The following TRDN variants were observed in gnomAD, a reference collection of about 807,000 sequenced individuals.
TRDN encodes triadin in skeletal muscle.
Under a neutral mutation model 149.7 loss-of-function variants are expected in TRDN, and 161 were observed. The observed-to-expected ratio is 1.08, with a 90% CI of 0.95 to 1.23. TRDN has a LOEUF of 1.23. Ranked by LOEUF, TRDN falls within the 50% of genes most tolerant of loss-of-function variation. TRDN has a pLI of 0.00. For synonymous variants in TRDN, 294 were observed against 250.5 expected, an observed-to-expected ratio of 1.17 and a Z score of -1.64; for missense variants, 896 against 823.5, an observed-to-expected ratio of 1.09 and a Z score of -1.08.
chr6:123,316,432 T>A (rs1779024626), intron 24 of TRDN, 25 bp downstream of exon 24: 1 of 1,605,494 alleles, frequency 6.2e-7, no homozygotes, highest in Non-Finnish European at 8.5e-7. Flanking sequence ...TCTCCTTGTA[T>A]GTAAATCTTA....
At position 123,382,135 on chromosome 6, in the gene TRDN, GT is replaced by G; in HGVS notation, c.1147del (p.Thr383GlnfsTer7). 1 of 1,495,428 alleles carries G rather than the reference GT, an allele frequency of 6.7e-7. No individual in the cohort carries two copies. The highest frequency in any genetic ancestry group is 1.4e-5 in the African/African-American group (1 of 69,326). The allele number at this position is 1,495,428 out of a possible 1,614,324, so 92.6% of individuals were successfully genotyped here. On this transcript the variant is annotated frameshift_variant, in exon 15 of 41. Coordinates refer to ENST00000334268, the MANE Select transcript of TRDN (RefSeq NM_006073.4). LOFTEE classifies it high-confidence loss of function. ...KDEKKEDSKK[T>X]KKPAEVEQPK... ...TCCAGTACCTTCTGCAGGTTTTTTT[GT>G]TTTCTTGGAATCTGAAAACACAAAG...
At chr6:123,541,062 C>T (rs984621242) in intron 4 of TRDN, among the ~76,000 whole-genome samples, 1 of 152,202 alleles carries the variant, frequency 6.6e-6, no homozygotes, top group Non-Finnish European at 1.5e-5. Flanking sequence ...TACAGAACTG[C>T]AGAGAGAAGA....
At position 123,636,869 on chromosome 6, in the gene TRDN, T is replaced by C. The variant is rs991499588; in HGVS notation, c.-94A>G. The C allele has an allele frequency of 2.0e-6, 3 of 1,485,762 alleles. No individual in the cohort carries two copies. The highest frequency in any genetic ancestry group is 2.8e-6 in the Non-Finnish European group (3 of 1,066,966). 92.0% of individuals were successfully genotyped at this position (1,485,762 alleles called of 1,614,324 possible). ...ATTTGAGAACTCTGGTGGAGGGTTC[T>C]GTGTCAAAACCTGGGGGCTCTTCGT... On this transcript the variant is annotated 5_prime_UTR_variant, in exon 1 of 41. Transcript: ENST00000334268.
intron 9 of TRDN, among the ~76,000 whole-genome samples, chr6:123,473,468 T>C (rs1360564104): frequency 6.6e-6 from 1 of 151,868 alleles, no homozygotes; most frequent in Non-Finnish European, 1.5e-5. Context: ...CTACGTCTGA[T>C]TGGTGTACCT....
At chr6:123,585,331 C>T (rs1783407349) in intron 1 of TRDN, among the ~76,000 whole-genome samples, 1 of 151,848 alleles carries the variant, frequency 6.6e-6, no homozygotes, top group African/African-American at 2.4e-5. Flanking sequence ...TCTAATTTGG[C>T]ACCAGAGTTG....
intron 20 of TRDN, among the ~76,000 whole-genome samples, chr6:123,362,110 GA>G (rs902265972): frequency 6.6e-6 from 1 of 152,102 alleles, no homozygotes; most frequent in Non-Finnish European, 1.5e-5. Flanking sequence ...CCAGTCTGAA[GA>G]ACGCTATTGT....
At chr6:123,522,335 C>G (rs1779722048) in intron 5 of TRDN, among the ~76,000 whole-genome samples, 1 of 152,002 alleles carries the variant, frequency 6.6e-6, no homozygotes, top group Non-Finnish European at 1.5e-5. Context: ...AGTAAATTGA[C>G]ATGTCTATTA....
intron 38 of TRDN, among the ~76,000 whole-genome samples, chr6:123,247,908 C>T (rs974434159): frequency 2.6e-5 from 4 of 152,020 alleles, no homozygotes; most frequent in African/African-American, 4.8e-5. Flanking sequence ...GATATATAGA[C>T]CAATGGGACA....
intron 21 of TRDN, chr6:123,350,710 T>C (rs1780430825): frequency 1.2e-6 from 1 of 834,858 alleles, no homozygotes; most frequent in Non-Finnish European, 1.4e-6. Context: ...TTATTTCCTA[T>C]GATTGTTATG....
At chr6:123,425,102 A>G (rs1243054263) in intron 12 of TRDN, among the ~76,000 whole-genome samples, 3 of 152,050 alleles carry the variant, frequency 2.0e-5, no homozygotes, top group African/African-American at 7.2e-5. Flanking sequence ...GAGAGGATTT[A>G]ATAATGAATT....
chr6:123,553,011 A>G (rs1562383468), intron 2 of TRDN, among the ~76,000 whole-genome samples: 1 of 152,200 alleles, frequency 6.6e-6, no homozygotes, highest in Non-Finnish European at 1.5e-5. Context: ...ATAAAATGAC[A>G]ATAAGACTGC....
intron 1 of TRDN, among the ~76,000 whole-genome samples, chr6:123,576,469 T>C (rs1782865736): frequency 1.2e-5 from 1 of 80,662 alleles, no homozygotes; most frequent in Non-Finnish European, 3.0e-5. Flanking sequence ...CTTTTTTAAT[T>C]TATTTTTATT....
chr6:123,351,682 C>T (rs572113471), intron 21 of TRDN: 2 of 940,816 alleles, frequency 2.1e-6, no homozygotes, highest in African/African-American at 3.6e-5. Context: ...GTCAAAAGAT[C>T]TTAACTTCTG....
At chr6:123,408,958 T>A (rs1039207110) in intron 12 of TRDN, among the ~76,000 whole-genome samples, 8 of 152,264 alleles carry the variant, frequency 5.3e-5, no homozygotes, top group African/African-American at 1.9e-4. Flanking sequence ...GTTACCCTCC[T>A]AAGACTTTAC....
chr6:123,497,829 T>G (rs780554438), intron 8 of TRDN, among the ~76,000 whole-genome samples: 3 of 152,188 alleles, frequency 2.0e-5, no homozygotes, highest in Admixed American at 1.3e-4. Context: ...CAGAACCAAA[T>G]GATATTGTTG....
intron 30 of TRDN, among the ~76,000 whole-genome samples, 197 bp downstream of exon 30, chr6:123,270,935 ATTATTTT>A (rs1777185799): frequency 6.6e-6 from 1 of 151,970 alleles, no homozygotes; most frequent in Non-Finnish European, 1.5e-5. Context: ...TACTCTAGCT[ATTATTTT>A]TTAACAAAAA....
chr6:123,353,065 G>A (rs994276344), intron 20 of TRDN, among the ~76,000 whole-genome samples: 13 of 151,814 alleles, frequency 8.6e-5, no homozygotes, highest in African/African-American at 2.7e-4. Context: ...ACCAAAAGGG[G>A]ATTATTTGGG....
chr6:123,635,090 G>A (rs938364068), intron 1 of TRDN, among the ~76,000 whole-genome samples: 1 of 151,984 alleles, frequency 6.6e-6, no homozygotes, highest in African/African-American at 2.4e-5. Context: ...TCACCTGGGA[G>A]CCCAAACCCT....
At chr6:123,225,543 C>T (rs80289463) in intron 38 of TRDN, among the ~76,000 whole-genome samples, 1 of 87,078 alleles carries the variant, frequency 1.1e-5, no homozygotes, top group Non-Finnish European at 3.4e-5. Flanking sequence ...CATACACACA[C>T]ATACACACAC....
Sources: gnomAD v4.1 joint callset for allele counts (sites outside exome capture counted in the v4.1 genomes callset) on GRCh38, gnomAD v4.1.1 for gene constraint, MANE v1.5 for transcripts, NCBI Gene and HGNC (gene_info 2026-07-23, HGNC 2026-07-21) for gene names.